The following CLASP2 variants were observed in gnomAD, a reference collection of about 807,000 sequenced individuals.
CLASP2 encodes the protein CLIP-associating protein 2.
In CLASP2, 47 loss-of-function variants were observed where a neutral mutation model predicts 194.4. The ratio of observed to expected loss-of-function variants is 0.24; its 90% CI spans 0.19 to 0.31. The LOEUF (loss-of-function observed/expected upper bound fraction) is 0.31. CLASP2 is among the 10% of genes least tolerant of loss of function. CLASP2 has a pLI of 1.00. For missense variants in CLASP2, 1,445 were observed against 1,823.6 expected (o/e 0.79, Z 3.78); for synonymous variants, 619 against 633.5 (o/e 0.98, Z 0.34).
chr3:33,546,379 C>T (rs2059154036), intron 30 of CLASP2, among the ~76,000 whole-genome samples: 1 of 152,114 alleles, frequency 6.6e-6, no homozygotes, highest in African/African-American at 2.4e-5. Flanking sequence ...AATACTATAC[C>T]GTTAGTATAT....
At position 33,655,546 on chromosome 3, in the gene CLASP2, C is replaced by T. The variant is rs1377112561; in HGVS notation, c.715+7899G>A. Among the ~76,000 whole-genome samples the T allele has an allele frequency of 2.0e-5, 3 of 152,126 alleles. No homozygotes were observed. The East Asian group carries it at 5.8e-4, about 29-fold the overall frequency. On this transcript the variant is annotated intron_variant, in intron 7 of 38. Coordinates refer to ENST00000682230, the MANE Select transcript of CLASP2 (RefSeq NM_001365631.1). ...GTAATTTACTTTTTCACCTTATAGA[C>T]TTCTTTTCCCTCTATCAATGTCCCT...
chr3:33,608,546 G>A, intron 14 of CLASP2, 21 bp downstream of exon 14: 3 of 1,590,868 alleles, frequency 1.9e-6, no homozygotes, highest in Non-Finnish European at 2.6e-6. Context: ...AAAGTGGGAG[G>A]AAGGAAGAGG....
At chr3:33,675,900 A>G (rs1263540801) in intron 6 of CLASP2, among the ~76,000 whole-genome samples, 1 of 150,702 alleles carries the variant, frequency 6.6e-6, no homozygotes, top group Non-Finnish European at 1.5e-5. Flanking sequence ...CTCTTCAAGG[A>G]GAACTACAAA....
intron 7 of CLASP2, chr3:33,645,449 T>C (rs921726403): frequency 7.4e-6 from 5 of 679,422 alleles, no homozygotes; most frequent in Admixed American, 2.2e-5. Flanking sequence ...ACCACTGAGG[T>C]TTGTGCCGGC....
intron 24 of CLASP2, chr3:33,574,584 C>T (rs2064436777): frequency 1.4e-6 from 1 of 692,302 alleles, no homozygotes; most frequent in Non-Finnish European, 2.4e-6. Flanking sequence ...ATTAACAATG[C>T]CTATGATCAG....
intron 30 of CLASP2, among the ~76,000 whole-genome samples, 159 bp downstream of exon 30, chr3:33,551,093 T>G: frequency 6.6e-6 from 1 of 152,186 alleles, no homozygotes; most frequent in East Asian, 1.9e-4. Flanking sequence ...TCACATTAAT[T>G]GGATAAAATT....
At chr3:33,616,708 G>C (rs2076226337) in intron 12 of CLASP2, among the ~76,000 whole-genome samples, 1 of 139,922 alleles carries the variant, frequency 7.1e-6, no homozygotes. Context: ...ATAAAACAAA[G>C]ATTTCAATAA....
chr3:33,522,610 C>A (rs975601595), intron 34 of CLASP2, among the ~76,000 whole-genome samples: 1 of 151,970 alleles, frequency 6.6e-6, no homozygotes, highest in East Asian at 1.9e-4. Flanking sequence ...ATCTACTAGA[C>A]AAAGATTTTA....
intron 16 of CLASP2, among the ~76,000 whole-genome samples, chr3:33,604,951 T>C (rs1026192855): frequency 6.6e-6 from 1 of 152,228 alleles, no homozygotes; most frequent in Non-Finnish European, 1.5e-5. Flanking sequence ...AGTTGTAAGG[T>C]TGTAATGTCC....
chr3:33,500,208 C>CT (rs1383516669), intron 38 of CLASP2, among the ~76,000 whole-genome samples: 4 of 151,580 alleles, frequency 2.6e-5, no homozygotes, highest in Admixed American at 6.6e-5. Context: ...AATTTTTTTT[C>CT]TTTTTTTGTA....
chr3:33,633,000 CTT>C (rs2079384404), intron 8 of CLASP2, among the ~76,000 whole-genome samples: 1 of 152,172 alleles, frequency 6.6e-6, no homozygotes, highest in Non-Finnish European at 1.5e-5. Context: ...TTCCTCTCCT[CTT>C]AAACTCTGGC....
intron 2 of CLASP2, among the ~76,000 whole-genome samples, chr3:33,693,051 T>A (rs1172294123): frequency 6.6e-6 from 1 of 152,130 alleles, no homozygotes; most frequent in Non-Finnish European, 1.5e-5. Context: ...CTTTACTGAA[T>A]CAGTTATAAA....
rs139467508 is a variant in CLASP2 at position 33,619,411 on chromosome 3, A to G, written c.1317+192T>C. 3.9e-5 allele frequency among the ~76,000 whole-genome samples: 6 copies of G among 152,238 alleles called. No homozygotes were observed. In the East Asian group the frequency reaches 5.8e-4, roughly 15 times the overall value. Reference sequence around the variant, plus strand: ...GTTTACTTTGCAATCCTCTAGTTCTATAATGACCATCTGTGGCTTTCACTA... The same window carrying G: ...GTTTACTTTGCAATCCTCTAGTTCTGTAATGACCATCTGTGGCTTTCACTA... On this transcript the variant is annotated intron_variant, in intron 12 of 38. Coordinates refer to ENST00000682230, the MANE Select transcript of CLASP2 (RefSeq NM_001365631.1).
At chr3:33,603,203 T>C (rs569695536) in intron 17 of CLASP2, 78 bp from the exon 18 acceptor site, 9 of 1,384,258 alleles carry the variant, frequency 6.5e-6, no homozygotes, top group African/African-American at 2.9e-5. Flanking sequence ...CTGACCACCA[T>C]GAGCTAATCT....
Position 33,510,766 on chromosome 3 carries a change from T to TA in CLASP2, c.4111-3dup, listed in dbSNP as rs756461304. On this transcript the variant is annotated splice_polypyrimidine_tract_variant and splice_region_variant and intron_variant, in intron 36 of 38. Transcript: ENST00000682230. ...CGCTTCCTCAGCAGATCTCACCACC[T>TA]AAAAAAAATAGGAAATTAAGCCAGA... The TA allele has an allele frequency of 2.4e-5, 38 of 1,593,988 alleles. No homozygotes were observed. The highest frequency in any genetic ancestry group is 9.0e-5 in the East Asian group (4 of 44,348).
At chr3:33,701,173 A>C (rs1004653104) in intron 1 of CLASP2, among the ~76,000 whole-genome samples, 4 of 152,260 alleles carry the variant, frequency 2.6e-5, no homozygotes, top group Non-Finnish European at 4.4e-5. Context: ...TTCCAGTAGA[A>C]TTTGATGCAG....
intron 32 of CLASP2, among the ~76,000 whole-genome samples, chr3:33,541,987 C>G (rs757511322): frequency 2.7e-4 from 41 of 152,298 alleles, no homozygotes; most frequent in Non-Finnish European, 5.4e-4. Flanking sequence ...TCTCCACAAC[C>G]TTGCCAGCAT....
At chr3:33,713,607 TTC>T (rs2093142152) in intron 1 of CLASP2, among the ~76,000 whole-genome samples, 1 of 152,146 alleles carries the variant, frequency 6.6e-6, no homozygotes, top group African/African-American at 2.4e-5. Flanking sequence ...TGATTTTGAA[TTC>T]TGAGAAAATA....
chr3:33,619,154 T>TA (rs1253854392), intron 12 of CLASP2, among the ~76,000 whole-genome samples: 1 of 152,108 alleles, frequency 6.6e-6, no homozygotes, highest in Non-Finnish European at 1.5e-5. Context: ...CCAAAAGTAG[T>TA]AAAGTAGTAA....
Sources: gnomAD v4.1 joint callset for allele counts (sites outside exome capture counted in the v4.1 genomes callset) on GRCh38, gnomAD v4.1.1 for gene constraint, MANE v1.5 for transcripts, NCBI Gene and HGNC (gene_info 2026-07-23, HGNC 2026-07-21) for gene names.